DAPK1: variants seen among roughly 807,000 people sequenced by gnomAD.
The protein encoded by DAPK1 is death associated protein kinase 1, also known as death-associated protein kinase 1.
A neutral mutation model predicts 144.9 loss-of-function variants in DAPK1; 56 were observed. The observed-to-expected ratio is 0.39, with a 90% CI of 0.31 to 0.48. DAPK1 has a LOEUF of 0.48. DAPK1 is among the 20% of genes least tolerant of loss of function. The pLI is 0.95. For missense variants in DAPK1, 1,454 were observed against 1,875.4 expected, an observed-to-expected ratio of 0.78 and a Z score of 4.15; for synonymous variants, 690 against 749.0, an observed-to-expected ratio of 0.92 and a Z score of 1.29.
chr9:87,530,791 G>A (rs920879631), intron 2 of DAPK1, among the ~76,000 whole-genome samples: 47 of 152,216 alleles, frequency 3.1e-4, no homozygotes, highest in African/African-American at 9.1e-4. Context: ...CCTTCTTGTC[G>A]CAGGTGGGAA....
At chr9:87,607,468 T>A (rs1312296703) in intron 3 of DAPK1, among the ~76,000 whole-genome samples, 1 of 152,212 alleles carries the variant, frequency 6.6e-6, no homozygotes, top group Non-Finnish European at 1.5e-5. Flanking sequence ...CTGCCCCTCT[T>A]GTGCCTCTCT....
intron 2 of DAPK1, among the ~76,000 whole-genome samples, chr9:87,541,236 C>T (rs12336024): frequency 2.0e-5 from 3 of 152,188 alleles, no homozygotes; most frequent in African/African-American, 7.2e-5. Flanking sequence ...GTAAGTGGTT[C>T]TTCTGTCAGC....
chr9:87,654,498 A>G (rs1268497122), intron 17 of DAPK1, among the ~76,000 whole-genome samples: 1 of 152,166 alleles, frequency 6.6e-6, no homozygotes, highest in Non-Finnish European at 1.5e-5. Flanking sequence ...TGAAATTGGT[A>G]ATTTCACATT....
rs553718447 is a variant in DAPK1 at position 87,600,351 on chromosome 9, C to G, written c.63-4603C>G. Among the ~76,000 whole-genome samples the G allele has an allele frequency of 4.7e-4, 72 of 152,248 alleles. 1 individual carries two copies. The highest frequency in any genetic ancestry group is 8.1e-4 in the Non-Finnish European group (55 of 68,012). ...CTGTAATTCCCCGACTTTGGGTGGCCGAGGTGGGAGGACTGCTTTGAGCCC... is the reference window on the plus strand; with the variant it reads ...CTGTAATTCCCCGACTTTGGGTGGCGGAGGTGGGAGGACTGCTTTGAGCCC... On this transcript the variant is annotated intron_variant, in intron 2 of 25. Coordinates refer to ENST00000408954, the MANE Select transcript of DAPK1 (RefSeq NM_004938.4).
chr9:87,697,753 G>A (rs1389251428), intron 22 of DAPK1, among the ~76,000 whole-genome samples: 1 of 152,176 alleles, frequency 6.6e-6, no homozygotes, highest in East Asian at 1.9e-4. Flanking sequence ...AGGAGTTCAA[G>A]ACCAGCCTGG....
In DAPK1 at chr9:87,706,958, T is replaced by A. The variant is rs773534718; in HGVS notation, c.3887T>A (p.Leu1296His). 8.7e-6 allele frequency: 14 copies of A among 1,613,110 alleles called. No homozygotes were observed. In the Admixed American group the frequency reaches 2.3e-4, roughly 27 times the overall value. Residue 1296 changes from leucine (L) to histidine (H), a missense_variant, in exon 26 of 26, where the codon CTC becomes CAC. Physicochemically the swap from Leu to His is moderately conservative, Grantham distance 99 (BLOSUM62 -3). This residue lies in a region of DAPK1 where 1,025 missense variants were observed against 1,237.9 expected (regional missense o/e 0.83). Coordinates refer to ENST00000408954, the MANE Select transcript of DAPK1 (RefSeq NM_004938.4). This position sits in a 1 kb window ranked among gnomAD's most constrained non-coding sequence, Gnocchi z 9.0. ...GCHDVYSQASLGMDIHASDLN... is the reference protein window; with the variant it reads ...GCHDVYSQASHGMDIHASDLN... ...CACGACGTCTACTCACAGGCCAGCC[T>A]CGGCATGGACATCCATGCATCAGAC...
At chr9:87,609,343 T>A (rs978883530) in intron 3 of DAPK1, among the ~76,000 whole-genome samples, 1 of 152,230 alleles carries the variant, frequency 6.6e-6, no homozygotes, top group Non-Finnish European at 1.5e-5. Context: ...AGGATGCATA[T>A]GCACGGTATG....
intron 3 of DAPK1, among the ~76,000 whole-genome samples, chr9:87,623,260 A>T (rs1354525067): frequency 6.6e-6 from 1 of 152,226 alleles, no homozygotes; most frequent in Non-Finnish European, 1.5e-5. Context: ...GCTAAAAGAA[A>T]GTCATGGTTT....
chr9:87,523,287 C>T (rs1270973592), intron 2 of DAPK1, among the ~76,000 whole-genome samples: 2 of 152,076 alleles, frequency 1.3e-5, no homozygotes, highest in East Asian at 1.9e-4. Context: ...GTTAGAAAGG[C>T]CCTTACCGCT....
intron 3 of DAPK1, among the ~76,000 whole-genome samples, chr9:87,607,996 CA>C (rs775390003): frequency 2.0e-5 from 3 of 152,122 alleles, no homozygotes; most frequent in Non-Finnish European, 4.4e-5. Flanking sequence ...AAGCAAGAGC[CA>C]TCCTCACATG....
Position 87,498,999 on chromosome 9 carries a change from G to T in DAPK1, c.-79G>T. 1 of 1,155,100 alleles carries T rather than the reference G, an allele frequency of 8.7e-7. No individual in the cohort carries two copies. Among genetic ancestry groups the T allele is most frequent in the Non-Finnish European group, 1.3e-6 (1 of 765,096 alleles). The allele number at this position is 1,155,100 out of a possible 1,614,324, so 71.6% of individuals were successfully genotyped here. On this transcript the variant is annotated 5_prime_UTR_variant, in exon 2 of 26. Coordinates refer to ENST00000408954, the MANE Select transcript of DAPK1 (RefSeq NM_004938.4). ...GGAGACTGATGCATGAGGGGGCTAC[G>T]GAGGCGCAGGAGCGGTGGTGATGGT...
rs1825648469 is a variant in DAPK1 at position 87,706,638 on chromosome 9, C to A, written c.3567C>A (p.Asn1189Lys). Residue 1189 changes from asparagine to lysine, a missense_variant, in exon 26 of 26, where the codon AAC becomes AAA. Transcript: ENST00000408954. The surrounding 1 kb of genome is among the most constrained non-coding windows in gnomAD (Gnocchi z 9.0). Reference sequence around the variant, plus strand: ...CCGAGCTGCTGGTGCTGCTGGTCAACCACGGCCAGGGCATTGAGGTCCAGG... The same window carrying A: ...CCGAGCTGCTGGTGCTGCTGGTCAAACACGGCCAGGGCATTGAGGTCCAGG... ...RGAELLVLLVNHGQGIEVQVR... is the reference protein window; with the variant it reads ...RGAELLVLLVKHGQGIEVQVR... The A allele has an allele frequency of 6.2e-7, 1 of 1,612,848 alleles. No individual in the cohort carries two copies. Among genetic ancestry groups the A allele is most frequent in the Middle Eastern group, 1.6e-4 (1 of 6,062 alleles).
At chr9:87,523,044 TG>T (rs1825358599) in intron 2 of DAPK1, among the ~76,000 whole-genome samples, 1 of 152,140 alleles carries the variant, frequency 6.6e-6, no homozygotes, top group South Asian at 2.1e-4. Context: ...CTTTTGGCAT[TG>T]TTTCTGGTAC....
intron 24 of DAPK1, chr9:87,701,813 G>A (rs1245429986): frequency 4.5e-5 from 21 of 464,468 alleles, no homozygotes; most frequent in Admixed American, 1.7e-4. Flanking sequence ...CAGAATTCTC[G>A]GGAAACCCTT....
At chr9:87,525,380 A>G (rs1430000929) in intron 2 of DAPK1, 1 of 1,611,476 alleles carries the variant, frequency 6.2e-7, no homozygotes, top group African/African-American at 1.3e-5. Context: ...GTGTTCAAAC[A>G]ACCGGCACGG....
At chr9:87,649,303 G>A (rs937074587) in intron 15 of DAPK1, among the ~76,000 whole-genome samples, 5 of 152,200 alleles carry the variant, frequency 3.3e-5, no homozygotes, top group African/African-American at 1.2e-4. Context: ...CCTCTCATCG[G>A]TGCATATATG....
chr9:87,628,223 T>TA (rs1829550744), intron 3 of DAPK1, among the ~76,000 whole-genome samples: 2 of 152,236 alleles, frequency 1.3e-5, no homozygotes, highest in Admixed American at 1.3e-4. Context: ...TTTAAGTTGT[T>TA]ACTTGAACTT....
chr9:87,681,880 A>G (rs1824643089), intron 20 of DAPK1: 1 of 548,242 alleles, frequency 1.8e-6, no homozygotes, highest in African/African-American at 1.9e-5. Context: ...ACAAAGGTCC[A>G]TCCTCATAAA....
At chr9:87,652,768 T>A (rs1232850108) in intron 17 of DAPK1, among the ~76,000 whole-genome samples, 5 of 145,514 alleles carry the variant, frequency 3.4e-5, no homozygotes, top group African/African-American at 7.8e-5. Context: ...TCCCACCTGA[T>A]CCCGGGTCCT....
Sources: allele counts gnomAD v4.1 joint callset (sites outside exome capture counted in the v4.1 genomes callset), GRCh38; gene constraint gnomAD v4.1.1; regional missense constraint gnomAD v4.1.1; non-coding constraint Gnocchi (gnomAD v3.1); transcripts MANE v1.5; gene names NCBI Gene and HGNC (gene_info 2026-07-23, HGNC 2026-07-21).